Variants in SGCZ observed in about 807,000 individuals in gnomAD.
The protein encoded by SGCZ is sarcoglycan zeta.
SGCZ carries 40 observed loss-of-function variants against 41.3 expected under a neutral mutation model. That is an observed-to-expected ratio of 0.97 (90% CI 0.75 to 1.26). The LOEUF (loss-of-function observed/expected upper bound fraction) is 1.26. Among genes scored for constraint, SGCZ ranks in the 50% most tolerant of loss-of-function variants. SGCZ has a pLI of 0.00. For missense variants in SGCZ, 552 were observed against 369.8 expected (o/e 1.49, Z -4.04); for synonymous variants, 206 against 137.5 (o/e 1.50, Z -3.49).
intron 3 of SGCZ, among the ~76,000 whole-genome samples, chr8:14,257,883 T>C (rs1477660299): frequency 6.6e-6 from 1 of 152,210 alleles, no homozygotes; most frequent in Admixed American, 6.5e-5. Flanking sequence ...ACTGATTATA[T>C]TCTTATATTT....
chr8:14,723,005 T>C (rs1765196016), intron 1 of SGCZ, among the ~76,000 whole-genome samples: 1 of 152,194 alleles, frequency 6.6e-6, no homozygotes, highest in African/African-American at 2.4e-5. Flanking sequence ...AGATTCTAAT[T>C]TCAAGCTCCT....
intron 2 of SGCZ, chr8:14,332,436 G>A (rs539101676): frequency 2.2e-4 from 34 of 151,958 alleles, no homozygotes; most frequent in African/African-American, 8.2e-4. Flanking sequence ...GAGAGACTCT[G>A]TCTCAAAAAA....
intron 1 of SGCZ, among the ~76,000 whole-genome samples, chr8:15,200,408 G>A (rs115932616): frequency 1.3e-5 from 2 of 152,140 alleles, no homozygotes; most frequent in Non-Finnish European, 2.9e-5. Context: ...GGTATCAGAA[G>A]ATGGCCTAGC....
chr8:14,185,990 G>A (rs1012460504), intron 4 of SGCZ, among the ~76,000 whole-genome samples: 8 of 152,090 alleles, frequency 5.3e-5, no homozygotes, highest in African/African-American at 1.9e-4. Flanking sequence ...TATCTAATAG[G>A]CATTGGATGT....
intron 5 of SGCZ, among the ~76,000 whole-genome samples, chr8:14,121,260 T>C (rs1460315445): frequency 6.6e-6 from 1 of 151,876 alleles, no homozygotes; most frequent in Non-Finnish European, 1.5e-5. Flanking sequence ...GTATTGAATA[T>C]ATAATATTAA....
chr8:14,100,468 G>A (rs546015423), intron 7 of SGCZ, among the ~76,000 whole-genome samples: 1 of 149,372 alleles, frequency 6.7e-6, no homozygotes, highest in African/African-American at 2.4e-5. Context: ...GTTAGACAAA[G>A]TATTGTAGTC....
chr8:14,496,375 A>G (rs1310996031), intron 2 of SGCZ, among the ~76,000 whole-genome samples: 1 of 152,150 alleles, frequency 6.6e-6, no homozygotes, highest in Non-Finnish European at 1.5e-5. Context: ...GGCCTCCTCT[A>G]GCATTTAGAT....
chr8:14,995,575 G>A (rs553461776), intron 1 of SGCZ, among the ~76,000 whole-genome samples: 1 of 152,298 alleles, frequency 6.6e-6, no homozygotes, highest in South Asian at 2.1e-4. Context: ...ATGGGAAACT[G>A]CCTCTTTATA....
chr8:14,634,456 A>G (rs924401390), intron 1 of SGCZ, among the ~76,000 whole-genome samples: 2 of 151,874 alleles, frequency 1.3e-5, no homozygotes, highest in African/African-American at 4.8e-5. Context: ...ATGAATTAAA[A>G]ATTTTCCTAA....
intron 4 of SGCZ, among the ~76,000 whole-genome samples, chr8:14,203,400 G>C (rs1367898118): frequency 6.6e-6 from 1 of 152,092 alleles, no homozygotes; most frequent in Non-Finnish European, 1.5e-5. Context: ...GGCTAACATA[G>C]AATGTTTTTA....
intron 4 of SGCZ, among the ~76,000 whole-genome samples, chr8:14,172,122 C>T (rs949215789): frequency 6.6e-6 from 1 of 152,062 alleles, no homozygotes; most frequent in Non-Finnish European, 1.5e-5. Flanking sequence ...TGCATTAAAG[C>T]TCTTATATAA....
intron 2 of SGCZ, among the ~76,000 whole-genome samples, chr8:14,350,278 G>C (rs1037239635): frequency 5.3e-5 from 8 of 151,266 alleles, no homozygotes; most frequent in Non-Finnish European, 1.0e-4. Flanking sequence ...GCTTTTTCAA[G>C]TCCTGAAGAT....
chr8:14,420,038 C>G lies in SGCZ; in HGVS notation c.235-95834G>C, dbSNP rs572065294. 8.5e-5 allele frequency among the ~76,000 whole-genome samples: 13 copies of G among 152,170 alleles called. No individual in the cohort carries two copies. In the East Asian group the frequency reaches 2.5e-3, roughly 29 times the overall value. On this transcript the variant is annotated intron_variant, in intron 2 of 7. Transcript: ENST00000382080. Reference sequence around the variant, plus strand: ...CTTCATTTTCTGTTAACGATCCTTTCCAGTATCTCCACTGTACAGACTATA... The same window carrying G: ...CTTCATTTTCTGTTAACGATCCTTTGCAGTATCTCCACTGTACAGACTATA...
At chr8:14,834,587 A>C (rs73535033) in intron 1 of SGCZ, among the ~76,000 whole-genome samples, 19,440 of 152,190 alleles carry the variant, frequency 0.13, 2,206 homozygotes, top group African/African-American at 0.3. Flanking sequence ...TATTCCTAGC[A>C]GCAAGAAAAG....
chr8:14,611,350 G>A (rs1805923147), intron 1 of SGCZ, among the ~76,000 whole-genome samples: 1 of 151,770 alleles, frequency 6.6e-6, no homozygotes, highest in African/African-American at 2.4e-5. Context: ...GTGTGTGAAT[G>A]TATGAAATAG....
intron 2 of SGCZ, among the ~76,000 whole-genome samples, chr8:14,416,829 G>C (rs1585480508): frequency 6.6e-6 from 1 of 151,808 alleles, no homozygotes; most frequent in East Asian, 1.9e-4. Flanking sequence ...ACATCTCACA[G>C]TTTATTGAAG....
intron 7 of SGCZ, among the ~76,000 whole-genome samples, chr8:14,097,981 A>C (rs1322907877): frequency 6.6e-6 from 1 of 152,116 alleles, no homozygotes; most frequent in African/African-American, 2.4e-5. Context: ...GATCACTTAA[A>C]GTGGTATTTT....
intron 2 of SGCZ, among the ~76,000 whole-genome samples, chr8:14,468,811 G>C (rs1036486861): frequency 6.6e-6 from 1 of 151,966 alleles, no homozygotes; most frequent in Non-Finnish European, 1.5e-5. Flanking sequence ...AATATAACAA[G>C]CTTATTGTGC....
At chr8:14,531,504 G>A (rs889080251) in intron 2 of SGCZ, among the ~76,000 whole-genome samples, 2 of 151,902 alleles carry the variant, frequency 1.3e-5, no homozygotes, top group African/African-American at 4.8e-5. Context: ...TCACCAAACT[G>A]CAAGGGTGGA....
Sources: gnomAD v4.1 joint callset for allele counts (sites outside exome capture counted in the v4.1 genomes callset) on GRCh38, gnomAD v4.1.1 for gene constraint, MANE v1.5 for transcripts, NCBI Gene and HGNC (gene_info 2026-07-23, HGNC 2026-07-21) for gene names.